Variants in CASK observed in about 807,000 individuals in gnomAD.
The protein encoded by CASK is peripheral plasma membrane protein CASK.
A neutral mutation model predicts 82.9 loss-of-function variants in CASK; 4 were observed. That is an observed-to-expected ratio of 0.05 (90% CI 0.02 to 0.11). The LOEUF (loss-of-function observed/expected upper bound fraction) is 0.11, where lower values mean the gene tolerates loss of function less well. Ranked by LOEUF, CASK falls within the 10% of genes least tolerant of loss-of-function variation. The pLI, the probability that CASK is intolerant of heterozygous loss-of-function variation, is 1.00. For synonymous variants in CASK, 259 were observed against 253.5 expected (o/e 1.02, Z -0.20); for missense variants, 358 against 720.9 (o/e 0.50, Z 5.76).
chrX:41,809,353 T>C (rs778916336), intron 2 of CASK, among the ~76,000 whole-genome samples: 1 of 112,140 alleles, frequency 8.9e-6, no homozygotes, highest in East Asian at 2.8e-4. Context: ...AAGGGCAGAC[T>C]GACATCTCAC....
chrX:41,571,540 T>C lies in CASK; in HGVS notation c.1504-1794A>G, dbSNP rs763874685. Among the ~76,000 whole-genome samples the C allele has an allele frequency of 1.6e-3, 177 of 111,919 alleles. 1 individual carries two copies. The highest frequency in any genetic ancestry group is 7.7e-4 in the Non-Finnish European group (41 of 53,136). ...CCTGATGTTGGTAATTCATGTTTTT[T>C]TTCCCCGTGATTGTATAGCCATTTT... On this transcript the variant is annotated intron_variant, in intron 15 of 26. Coordinates refer to ENST00000378163, the MANE Select transcript of CASK (RefSeq NM_001367721.1).
chrX:41,520,661 A>T, intron 26 of CASK, 65 bp from the exon 27 acceptor site: 2 of 938,811 alleles, frequency 2.1e-6, no homozygotes, highest in Non-Finnish European at 3.0e-6. Context: ...CAGAAGAGAG[A>T]AATCAGTTGG....
At chrX:41,862,149 T>C (rs960978281) in intron 1 of CASK, among the ~76,000 whole-genome samples, 2 of 109,050 alleles carry the variant, frequency 1.8e-5, no homozygotes, top group African/African-American at 6.7e-5. Flanking sequence ...AAACAATGAA[T>C]AGGAGTTTGT....
chrX:41,537,405 T>C (rs2064888339), intron 22 of CASK, among the ~76,000 whole-genome samples: 1 of 111,373 alleles, frequency 9.0e-6, no homozygotes, highest in African/African-American at 3.3e-5. Context: ...AAAAAAGGAC[T>C]TAATAAAAGA....
chrX:41,652,927 C>T (rs1027628981), intron 8 of CASK, among the ~76,000 whole-genome samples: 4 of 112,420 alleles, frequency 3.6e-5, no homozygotes, highest in Non-Finnish European at 7.5e-5. Flanking sequence ...GTCAGTCTGA[C>T]ATTCTGGAGG....
At chrX:41,620,100 T>G (rs2066264420) in intron 11 of CASK, among the ~76,000 whole-genome samples, 1 of 112,709 alleles carries the variant, frequency 8.9e-6, no homozygotes, top group South Asian at 3.6e-4. Context: ...TGTAATTGTT[T>G]CAATAAAGAT....
intron 1 of CASK, among the ~76,000 whole-genome samples, chrX:41,918,067 C>T (rs947392399): frequency 8.9e-6 from 1 of 112,195 alleles, no homozygotes; most frequent in African/African-American, 3.2e-5. Context: ...AATATCTACT[C>T]ATTTCTGGAA....
rs184233538 is a variant in CASK, at chrX:41,741,762, G to A, written c.357-2306C>T. Among the ~76,000 whole-genome samples the A allele has an allele frequency of 3.9e-3, 432 of 112,100 alleles. 1 individual carries two copies. Among genetic ancestry groups the A allele is most frequent in the Non-Finnish European group, 4.6e-3 (246 of 53,284 alleles). ...TGCGAGGCAATGCATGTCAAAGTGT[G>A]CAAGCAGAATAAAACAAGAACTAAA... On this transcript the variant is annotated intron_variant, in intron 4 of 26. Transcript: ENST00000378163.
intron 8 of CASK, among the ~76,000 whole-genome samples, chrX:41,653,701 G>C (rs971468933): frequency 8.9e-6 from 1 of 112,532 alleles, no homozygotes; most frequent in Non-Finnish European, 1.9e-5. Context: ...GGTACAGTGT[G>C]AAGAAATTGT....
At chrX:41,922,610 A>G (rs2072804242) in intron 1 of CASK, among the ~76,000 whole-genome samples, 1 of 112,372 alleles carries the variant, frequency 8.9e-6, no homozygotes. Flanking sequence ...CAAGGTAACA[A>G]TAACCCCAAC....
intron 25 of CASK, among the ~76,000 whole-genome samples, chrX:41,528,282 T>G (rs1444547438): frequency 8.9e-6 from 1 of 112,506 alleles, no homozygotes; most frequent in African/African-American, 3.2e-5. Context: ...CATAATCTAT[T>G]ACTATTTTAT....
chrX:41,711,343 T>C (rs1047404697), intron 5 of CASK, among the ~76,000 whole-genome samples: 1 of 112,414 alleles, frequency 8.9e-6, no homozygotes, highest in African/African-American at 3.2e-5. Context: ...TTAATTGTTG[T>C]TGAAAGAGTA....
At chrX:41,837,328 C>A (rs2147939867) in intron 2 of CASK, among the ~76,000 whole-genome samples, 1 of 111,787 alleles carries the variant, frequency 8.9e-6, no homozygotes, top group East Asian at 2.8e-4. Flanking sequence ...AATAGTTTTA[C>A]ATGCACTCAT....
At chrX:41,760,522 G>A (rs963624133) in intron 3 of CASK, among the ~76,000 whole-genome samples, 10 of 110,957 alleles carry the variant, frequency 9.0e-5, no homozygotes, top group African/African-American at 3.3e-4. Flanking sequence ...TTCTTCAAGG[G>A]GATTATTTTT....
chrX:41,587,778 T>G (rs972538402), intron 13 of CASK: 2 of 112,678 alleles, frequency 1.8e-5, no homozygotes, highest in East Asian at 2.8e-4. Flanking sequence ...AAGTTATTTA[T>G]GGGACATGAA....
chrX:41,788,122 A>T (rs2069650792), intron 2 of CASK, among the ~76,000 whole-genome samples: 1 of 100,343 alleles, frequency 1.0e-5, no homozygotes, highest in African/African-American at 3.7e-5. Context: ...GCGTCATTGC[A>T]CTCCAGCCTG....
At chrX:41,839,175 T>C (rs1471238565) in intron 2 of CASK, among the ~76,000 whole-genome samples, 2 of 111,710 alleles carry the variant, frequency 1.8e-5, no homozygotes, top group Non-Finnish European at 3.8e-5. Flanking sequence ...GCCTTCTATA[T>C]CCATAAAAAA....
At chrX:41,639,930 G>C (rs1418477903) in intron 8 of CASK, among the ~76,000 whole-genome samples, 1 of 111,803 alleles carries the variant, frequency 8.9e-6, no homozygotes, top group African/African-American at 3.3e-5. Flanking sequence ...TTTTAACACT[G>C]AGTGGTATTC....
intron 9 of CASK, among the ~76,000 whole-genome samples, chrX:41,627,144 T>C (rs1186649309): frequency 8.9e-6 from 1 of 112,454 alleles, no homozygotes; most frequent in Non-Finnish European, 1.9e-5. Context: ...ATTAATTATC[T>C]CTGGGTGGTA....
Sources: gnomAD v4.1 joint callset for allele counts (sites outside exome capture counted in the v4.1 genomes callset) on GRCh38, gnomAD v4.1.1 for gene constraint, MANE v1.5 for transcripts, NCBI Gene and HGNC (gene_info 2026-07-23, HGNC 2026-07-21) for gene names.